Variants in TAX1BP1 observed in about 807,000 individuals in gnomAD.
TAX1BP1 encodes the protein Tax1 binding protein 1, also known as tax1-binding protein 1.
In TAX1BP1, 62 loss-of-function variants were observed where a neutral mutation model predicts 97.7. That is an observed-to-expected ratio of 0.63 (90% CI 0.52 to 0.78). TAX1BP1 has a LOEUF of 0.78. TAX1BP1 is among the 30% of genes least tolerant of loss of function. The pLI, the probability that TAX1BP1 is intolerant of heterozygous loss-of-function variation, is 0.00. For synonymous variants in TAX1BP1, 340 were observed against 304.2 expected (o/e 1.12, Z -1.23); for missense variants, 867 against 916.1 (o/e 0.95, Z 0.69).
intron 15 of TAX1BP1, among the ~76,000 whole-genome samples, chr7:27,819,744 G>A (rs531267730): frequency 2.0e-5 from 3 of 152,256 alleles, no homozygotes; most frequent in East Asian, 1.9e-4. Flanking sequence ...TATTGCTTTT[G>A]TACCATCTTA....
chr7:27,802,742 C>T lies in TAX1BP1; in HGVS notation c.1764+2652C>T, dbSNP rs6960179. 3.8e-3 allele frequency among the ~76,000 whole-genome samples: 574 copies of T among 151,714 alleles called. 8 individuals are homozygous for T. Among genetic ancestry groups the T allele is most frequent in the African/African-American group, 0.013 (541 of 41,358 alleles). On this transcript the variant is annotated intron_variant, in intron 13 of 16. Coordinates refer to ENST00000396319, the MANE Select transcript of TAX1BP1 (RefSeq NM_006024.7). The stretch of plus-strand genomic sequence containing the variant: ...CGAGTTAATATTTGTGATTTATTCC[C>T]GGGGGCGTGATATTTGAAGGTTTGG...
chr7:27,793,330 C>T, intron 10 of TAX1BP1, 118 bp downstream of exon 10: 1 of 945,616 alleles, frequency 1.1e-6, no homozygotes, highest in Non-Finnish European at 1.5e-6. Context: ...TGCTTGATTT[C>T]AAGTCATTGG....
intron 5 of TAX1BP1, chr7:27,772,221 G>C (rs1788872997): frequency 6.6e-6 from 1 of 151,282 alleles, no homozygotes; most frequent in Non-Finnish European, 1.5e-5. Flanking sequence ...CATGCCTGCT[G>C]GGCAGCTACA....
intron 12 of TAX1BP1, among the ~76,000 whole-genome samples, chr7:27,796,526 A>G (rs1789940116): frequency 6.6e-6 from 1 of 152,230 alleles, no homozygotes; most frequent in Non-Finnish European, 1.5e-5. Flanking sequence ...AAGATGCATG[A>G]AAAATATTTG....
At chr7:27,788,182 C>T (rs1257953333) in intron 8 of TAX1BP1, among the ~76,000 whole-genome samples, 1 of 152,024 alleles carries the variant, frequency 6.6e-6, no homozygotes, top group East Asian at 1.9e-4. Context: ...TGTTGTTTCT[C>T]ATGACTAGAT....
intron 1 of TAX1BP1, among the ~76,000 whole-genome samples, chr7:27,746,179 A>T (rs932346212): frequency 6.6e-6 from 1 of 152,188 alleles, no homozygotes; most frequent in Non-Finnish European, 1.5e-5. Context: ...TTTTGATTAA[A>T]AACATGGGAC....
intron 13 of TAX1BP1, among the ~76,000 whole-genome samples, chr7:27,810,076 T>G (rs1790495546): frequency 6.6e-6 from 1 of 151,914 alleles, no homozygotes; most frequent in African/African-American, 2.4e-5. Context: ...CCTGGCTAAT[T>G]TTTTATATTT....
chr7:27,766,928 TA>T (rs1265753332), intron 4 of TAX1BP1, among the ~76,000 whole-genome samples: 1 of 152,158 alleles, frequency 6.6e-6, no homozygotes, highest in Non-Finnish European at 1.5e-5. Flanking sequence ...AACCATAATT[TA>T]AAAAGAAAAT....
chr7:27,780,532 T>C (rs969865952), intron 5 of TAX1BP1, among the ~76,000 whole-genome samples: 4 of 152,196 alleles, frequency 2.6e-5, no homozygotes, highest in African/African-American at 4.8e-5. Context: ...ATAGCTGTTA[T>C]TGTTATCATA....
Position 27,767,307 on chromosome 7 carries a change from AT to A in TAX1BP1, c.453+1293del, listed in dbSNP as rs556013447. Among the ~76,000 whole-genome samples the A allele has an allele frequency of 2.8e-3, 433 of 152,134 alleles. 1 individual carries two copies. The highest frequency in any genetic ancestry group is 0.01 in the African/African-American group (419 of 41,518). On this transcript the variant is annotated intron_variant, in intron 4 of 16. Transcript: ENST00000396319. ...TTGCTTTTTCTTTATAGTTGGATAG[AT>A]TTTTTTAACATGTAAATATTTAATA... is the stretch of plus-strand genomic sequence containing the variant.
chr7:27,797,217 T>A (rs1789968828), intron 12 of TAX1BP1, among the ~76,000 whole-genome samples: 1 of 152,030 alleles, frequency 6.6e-6, no homozygotes, highest in African/African-American at 2.4e-5. Context: ...TAGGATGGTC[T>A]CTATCTCCTG....
chr7:27,801,128 G>C (rs1267201394), intron 13 of TAX1BP1, among the ~76,000 whole-genome samples: 1 of 79,340 alleles, frequency 1.3e-5, no homozygotes, highest in Non-Finnish European at 2.3e-5. Flanking sequence ...AAGAATGTTA[G>C]AGAAAAAAAA....
rs1442532378 is a variant in TAX1BP1, at chr7:27,787,611, CTT to C, written c.1038+11_1038+12del. 1 of 1,593,800 alleles carries C rather than the reference CTT, an allele frequency of 6.3e-7. No individual in the cohort carries two copies. The highest frequency in any genetic ancestry group is 8.5e-7 in the Non-Finnish European group (1 of 1,172,530). ...CTTACAACCTCAAGTAAAGTAAGTA[CTT>C]TTGCTATATATATTTGAAGATTGTA... On this transcript the variant is annotated intron_variant, in intron 8 of 16. Transcript: ENST00000396319.
intron 13 of TAX1BP1, among the ~76,000 whole-genome samples, chr7:27,807,077 G>A (rs1790366037): frequency 6.6e-6 from 1 of 152,008 alleles, no homozygotes; most frequent in African/African-American, 2.4e-5. Flanking sequence ...TGGGGCTCTT[G>A]AACTTTTTGT....
chr7:27,827,391 C>A (rs536835518), intron 15 of TAX1BP1, among the ~76,000 whole-genome samples: 68 of 151,406 alleles, frequency 4.5e-4, no homozygotes, highest in Middle Eastern at 7.0e-3. Flanking sequence ...ACCCAGTCTG[C>A]AGAATGATAA....
At chr7:27,798,356 G>GTT (rs1790012408) in intron 12 of TAX1BP1, among the ~76,000 whole-genome samples, 1 of 151,728 alleles carries the variant, frequency 6.6e-6, no homozygotes, top group Non-Finnish European at 1.5e-5. Context: ...TGATATTGTA[G>GTT]TTGAATAACT....
At chr7:27,759,166 A>G (rs1198422035) in intron 3 of TAX1BP1, among the ~76,000 whole-genome samples, 1 of 152,134 alleles carries the variant, frequency 6.6e-6, no homozygotes, top group Non-Finnish European at 1.5e-5. Context: ...ATAATATTTT[A>G]ATGTATATAA....
At chr7:27,756,193 C>G (rs891518769) in intron 2 of TAX1BP1, among the ~76,000 whole-genome samples, 2 of 152,112 alleles carry the variant, frequency 1.3e-5, no homozygotes, top group African/African-American at 4.8e-5. Flanking sequence ...CCAGTATTAT[C>G]CACTCTAGCA....
At chr7:27,821,762 A>G (rs902892751) in intron 15 of TAX1BP1, among the ~76,000 whole-genome samples, 2 of 152,116 alleles carry the variant, frequency 1.3e-5, no homozygotes, top group Non-Finnish European at 2.9e-5. Flanking sequence ...TGCAACCATC[A>G]CCGCATTCAA....
Sources: gnomAD v4.1 joint callset for allele counts (sites outside exome capture counted in the v4.1 genomes callset) on GRCh38, gnomAD v4.1.1 for gene constraint, MANE v1.5 for transcripts, NCBI Gene and HGNC (gene_info 2026-07-23, HGNC 2026-07-21) for gene names.